Variants in D2HGDH observed in about 807,000 individuals in gnomAD.
The protein encoded by D2HGDH is D-2-hydroxyglutarate dehydrogenase, also known as D-2-hydroxyglutarate dehydrogenase, mitochondrial.
Under a neutral mutation model 46.9 loss-of-function variants are expected in D2HGDH, and 31 were observed. The observed-to-expected ratio is 0.66, with a 90% confidence interval of 0.50 to 0.89. The LOEUF is 0.89. D2HGDH is among the 40% of genes least tolerant of loss of function. The pLI is 0.00. For missense variants in D2HGDH, 698 were observed against 720.8 expected (o/e 0.97, Z 0.36); for synonymous variants, 364 against 332.6 (o/e 1.09, Z -1.03).
rs143265216 is a variant in D2HGDH at position 241,739,813 on chromosome 2, G to A, written c.293-1220G>A. Among the ~76,000 whole-genome samples, 23 of 152,348 alleles carry A rather than the reference G, an allele frequency of 1.5e-4. 1 individual carries two copies. The East Asian group carries it at 4.4e-3, about 29-fold the overall frequency. On this transcript the variant is annotated intron_variant, in intron 2 of 9. Coordinates refer to ENST00000321264, the MANE Select transcript of D2HGDH (RefSeq NM_152783.5). ...TGTGAATAAGCAGCTACATAAACAC[G>A]TCAGTGAGAGCGAAGGGAAAGCCCT...
intron 8 of D2HGDH, chr2:241,754,553 A>G (rs1329458523): frequency 6.6e-6 from 1 of 152,102 alleles, no homozygotes; most frequent in Admixed American, 6.6e-5. Flanking sequence ...AGGAGGTGGT[A>G]TTTTTTTAAG....
chr2:241,749,229 G>A (rs1449320658), intron 6 of D2HGDH: 18 of 1,117,288 alleles, frequency 1.6e-5, no homozygotes, highest in East Asian at 1.2e-4. Context: ...CCCTCTACGC[G>A]TCTGCAGCCA....
At chr2:241,756,913 C>T (rs570115028) in intron 9 of D2HGDH, among the ~76,000 whole-genome samples, 46 of 152,188 alleles carry the variant, frequency 3.0e-4, no homozygotes, top group African/African-American at 9.9e-4. Context: ...GGGTGTGGAG[C>T]ATGGCTTTGG....
At position 241,767,910 on chromosome 2, in the gene D2HGDH, G is replaced by C; in HGVS notation, c.1507G>C (p.Ala503Pro). The C allele has an allele frequency of 6.2e-7, 1 of 1,603,260 alleles. No individual in the cohort carries two copies. The highest frequency in any genetic ancestry group is 1.1e-5 in the South Asian group (1 of 89,890). Residue 503 changes from alanine (A) to proline (P), a missense_variant, in exon 10 of 10, where the codon GCC becomes CCC. Physicochemically the swap from Ala to Pro is conservative, Grantham distance 27. Coordinates refer to ENST00000321264, the MANE Select transcript of D2HGDH (RefSeq NM_152783.5). The part of the protein sequence containing the change: ...GALQLMQQLK[A>P]LLDPKGILNP... ...CCTGCAGCTCATGCAGCAGCTCAAG[G>C]CCCTGCTGGACCCCAAGGGCATCCT... is the stretch of plus-strand genomic sequence containing the variant.
intron 9 of D2HGDH, among the ~76,000 whole-genome samples, chr2:241,765,018 G>T (rs1322296025): frequency 2.0e-5 from 3 of 152,176 alleles, no homozygotes; most frequent in Non-Finnish European, 4.4e-5. Context: ...GGGCTAAGTG[G>T]ACCAGAGAGG....
chr2:241,743,976 C>T lies in D2HGDH; in HGVS notation c.684+161C>T, dbSNP rs923665928. ...AGGATGTGTGGGCTACATACACCCC[C>T]ATCCTGAGGGAGGCCTGGCCCTGCC... On this transcript the variant is annotated intron_variant, in intron 5 of 9. Coordinates refer to ENST00000321264, the MANE Select transcript of D2HGDH (RefSeq NM_152783.5). The surrounding 1 kb of genome is among the most constrained non-coding windows in gnomAD (Gnocchi z 4.8). Among the ~76,000 whole-genome samples the T allele has an allele frequency of 4.6e-5, 7 of 152,224 alleles. No homozygotes were observed. Among genetic ancestry groups the T allele is most frequent in the African/African-American group, 1.7e-4 (7 of 41,458 alleles).
intron 9 of D2HGDH, among the ~76,000 whole-genome samples, chr2:241,757,078 G>A (rs1049468909): frequency 6.6e-5 from 10 of 152,204 alleles, no homozygotes; most frequent in African/African-American, 1.4e-4. Context: ...ACAATAACAC[G>A]TATTACTTAC....
At position 241,768,248 on chromosome 2, in the gene D2HGDH, G is replaced by A. The variant is rs1220267928; in HGVS notation, c.*279G>A. ...GGGGTGGCGGCAGCTTTGCCCACGTGGAAGCGGGGTGGGTCTCACTTGCGT... is the reference window on the plus strand; with the variant it reads ...GGGGTGGCGGCAGCTTTGCCCACGTAGAAGCGGGGTGGGTCTCACTTGCGT... On this transcript the variant is annotated 3_prime_UTR_variant, in exon 10 of 10. Coordinates refer to ENST00000321264, the MANE Select transcript of D2HGDH (RefSeq NM_152783.5). 3 of 504,052 alleles carry A rather than the reference G, an allele frequency of 6.0e-6. No homozygotes were observed. The highest frequency in any genetic ancestry group is 1.1e-5 in the Non-Finnish European group (3 of 283,970). The allele number at this position is 504,052 out of a possible 1,614,324, so 31.2% of individuals were successfully genotyped here. A position where few individuals can be genotyped will look rare whatever the true frequency, so the allele number is the denominator to read the frequency against.
chr2:241,764,231 T>C (rs79706179), intron 9 of D2HGDH, among the ~76,000 whole-genome samples: 10,425 of 152,268 alleles, frequency 0.068, 537 homozygotes, highest in East Asian at 0.18. Context: ...GGGTCCCTGC[T>C]GTACTCCCTG....
chr2:241,765,057 C>T (rs566882297), intron 9 of D2HGDH, among the ~76,000 whole-genome samples: 2 of 152,326 alleles, frequency 1.3e-5, no homozygotes, highest in Admixed American at 1.3e-4. Context: ...ACTTTGTCTG[C>T]AGTGGGCACT....
intron 3 of D2HGDH, 46 bp downstream of exon 3, chr2:241,741,136 G>A: frequency 6.3e-7 from 1 of 1,580,660 alleles, no homozygotes; most frequent in Non-Finnish European, 8.6e-7. Flanking sequence ...TGTTGCCTGT[G>A]GGTCATTTCC....
At chr2:241,755,268 C>G in intron 8 of D2HGDH, 2 of 1,294,176 alleles carry the variant, frequency 1.5e-6, no homozygotes, top group Non-Finnish European at 2.0e-6. Context: ...CCTTCCCTCC[C>G]CTGTGGCCCA....
chr2:241,756,956 TG>T (rs1437319780), intron 9 of D2HGDH, among the ~76,000 whole-genome samples: 1 of 152,172 alleles, frequency 6.6e-6, no homozygotes, highest in Non-Finnish European at 1.5e-5. Context: ...GCTTCTTCCC[TG>T]GCCTGGTGGC....
Position 241,767,834 on chromosome 2 carries a change from A to C in D2HGDH, c.1431A>C (p.Gly477=), listed in dbSNP as rs1406559685. ...AGGGCAGCGTCAGCGCGGAGCACGG[A>C]GTGGGCTTCAGGAAGAGGGACGTCC... ...GQQGSVSAEH[G]VGFRKRDVLG... is the part of the protein sequence containing the mutation. Residue 477 remains glycine (G), a synonymous_variant, in exon 10 of 10, where the codon GGA becomes GGC. Transcript: ENST00000321264. 6.2e-7 allele frequency: 1 copy of C among 1,612,142 alleles called. No homozygotes were observed. The highest frequency in any genetic ancestry group is 1.7e-5 in the Admixed American group (1 of 59,884).
At chr2:241,753,895 C>G (rs528575527) in intron 8 of D2HGDH, among the ~76,000 whole-genome samples, 118 of 152,352 alleles carry the variant, frequency 7.7e-4, no homozygotes, top group South Asian at 2.5e-3. Flanking sequence ...CATGGCCCCT[C>G]AGAGCCAGGA....
intron 9 of D2HGDH, 137 bp from the exon 10 acceptor site, chr2:241,767,573 C>G (rs76180615): frequency 2.5e-6 from 3 of 1,181,858 alleles, no homozygotes; most frequent in South Asian, 1.4e-5. Flanking sequence ...ACGTCCAGGG[C>G]GAGTGGCATG....
intron 1 of D2HGDH, 164 bp downstream of exon 1, chr2:241,734,859 C>T (rs1027424763): frequency 4.5e-6 from 1 of 222,486 alleles, no homozygotes; most frequent in Non-Finnish European, 8.9e-6. Flanking sequence ...GTGGAACACG[C>T]GCGCGCGTCC....
intron 8 of D2HGDH, among the ~76,000 whole-genome samples, chr2:241,752,297 TG>T (rs1191729797): frequency 6.6e-6 from 1 of 152,172 alleles, no homozygotes; most frequent in Non-Finnish European, 1.5e-5. Context: ...TGTGTCCTGA[TG>T]CCCAGCCCAG....
intron 9 of D2HGDH, among the ~76,000 whole-genome samples, chr2:241,762,943 G>T (rs1173019547): frequency 6.6e-6 from 1 of 152,170 alleles, no homozygotes; most frequent in Non-Finnish European, 1.5e-5. Context: ...GTCTTCTTGT[G>T]TGTGTGATTT....
Sources: gnomAD v4.1 joint callset for allele counts (sites outside exome capture counted in the v4.1 genomes callset) on GRCh38, gnomAD v4.1.1 for gene constraint, Gnocchi (gnomAD v3.1) non-coding constraint, MANE v1.5 for transcripts, NCBI Gene and HGNC (gene_info 2026-07-23, HGNC 2026-07-21) for gene names.